PTPRG: variants seen among roughly 807,000 people sequenced by gnomAD.
The protein encoded by PTPRG is protein tyrosine phosphatase receptor type G.
A neutral mutation model predicts 165.3 loss-of-function variants in PTPRG; 102 were observed. The ratio of observed to expected loss-of-function variants is 0.62; its 90% CI spans 0.53 to 0.73. The LOEUF (loss-of-function observed/expected upper bound fraction) is 0.73. Ranked by LOEUF, PTPRG falls within the 30% of genes least tolerant of loss-of-function variation. The pLI is 0.00. For synonymous variants in PTPRG, 675 were observed against 669.5 expected, an observed-to-expected ratio of 1.01 and a Z score of -0.13; for missense variants, 1,866 against 1,861.4, an observed-to-expected ratio of 1.00 and a Z score of -0.05.
chr3:62,206,316 A>C (rs570388519), intron 12 of PTPRG, among the ~76,000 whole-genome samples: 7 of 152,292 alleles, frequency 4.6e-5, no homozygotes, highest in Admixed American at 3.3e-4. Flanking sequence ...TCCACCCTAC[A>C]GAAATCTGAG....
chr3:61,839,853 C>T (rs554476744), intron 2 of PTPRG, among the ~76,000 whole-genome samples: 1 of 152,296 alleles, frequency 6.6e-6, no homozygotes, highest in Non-Finnish European at 1.5e-5. Flanking sequence ...GCCTACACAG[C>T]ATTTTTTGTC....
At chr3:61,626,500 G>T (rs1414037824) in intron 1 of PTPRG, among the ~76,000 whole-genome samples, 1 of 152,160 alleles carries the variant, frequency 6.6e-6, no homozygotes, top group Non-Finnish European at 1.5e-5. Flanking sequence ...TTTCCACTTA[G>T]TATTACCGTT....
chr3:62,033,811 G>C (rs961389769), intron 4 of PTPRG, among the ~76,000 whole-genome samples: 4 of 151,762 alleles, frequency 2.6e-5, no homozygotes, highest in African/African-American at 9.7e-5. Context: ...TCTGTCCTCC[G>C]GGCTGGAGTG....
intron 2 of PTPRG, among the ~76,000 whole-genome samples, chr3:61,945,112 A>C (rs1239229430): frequency 6.6e-6 from 1 of 152,216 alleles, no homozygotes. Flanking sequence ...AGAGGTGATC[A>C]GTGACCATTG....
At chr3:61,702,786 A>G (rs1364714747) in intron 1 of PTPRG, among the ~76,000 whole-genome samples, 3 of 152,194 alleles carry the variant, frequency 2.0e-5, no homozygotes, top group South Asian at 2.1e-4. Flanking sequence ...TGCTCAACAT[A>G]ATGTCTATGA....
intron 5 of PTPRG, among the ~76,000 whole-genome samples, chr3:62,126,653 C>G (rs1302560074): frequency 6.6e-6 from 1 of 152,192 alleles, no homozygotes; most frequent in East Asian, 1.9e-4. Flanking sequence ...TTTTGCTTAT[C>G]TGTTAGATTA....
At chr3:61,699,249 T>A (rs900093689) in intron 1 of PTPRG, among the ~76,000 whole-genome samples, 1 of 152,010 alleles carries the variant, frequency 6.6e-6, no homozygotes, top group Non-Finnish European at 1.5e-5. Context: ...AAAAAAAAAA[T>A]TATTTTTCAA....
chr3:61,974,948 C>T (rs1434653628), intron 2 of PTPRG, among the ~76,000 whole-genome samples: 3 of 152,118 alleles, frequency 2.0e-5, no homozygotes, highest in Admixed American at 6.5e-5. Context: ...CAGTACCAAC[C>T]ATTTAAATAG....
At chr3:62,170,072 AG>A (rs1399732685) in intron 8 of PTPRG, among the ~76,000 whole-genome samples, 1 of 152,168 alleles carries the variant, frequency 6.6e-6, no homozygotes, top group Non-Finnish European at 1.5e-5. Flanking sequence ...GAAGTGAGTC[AG>A]GCACCAGGTT....
chr3:61,767,722 A>G (rs764502994), intron 2 of PTPRG, among the ~76,000 whole-genome samples: 4 of 152,172 alleles, frequency 2.6e-5, no homozygotes, highest in Non-Finnish European at 5.9e-5. Context: ...TAATCTCAGC[A>G]CTTTGGGAAG....
intron 5 of PTPRG, among the ~76,000 whole-genome samples, chr3:62,116,330 C>G (rs1702868995): frequency 1.3e-5 from 2 of 152,132 alleles, no homozygotes; most frequent in South Asian, 4.1e-4. Flanking sequence ...AAATGTTACA[C>G]CCTACTCTGA....
At chr3:61,846,678 G>A (rs2036815788) in intron 2 of PTPRG, among the ~76,000 whole-genome samples, 1 of 152,156 alleles carries the variant, frequency 6.6e-6, no homozygotes, top group Non-Finnish European at 1.5e-5. Context: ...CACTTGGGAG[G>A]TTGAAGTAGA....
chr3:61,677,587 G>A (rs536394701), intron 1 of PTPRG, among the ~76,000 whole-genome samples: 8 of 152,320 alleles, frequency 5.3e-5, no homozygotes, highest in African/African-American at 1.7e-4. Context: ...AAAAGCCATA[G>A]ATCTAGGCCT....
intron 2 of PTPRG, among the ~76,000 whole-genome samples, chr3:61,918,375 T>TAC (rs1052120333): frequency 3.3e-5 from 5 of 152,028 alleles, no homozygotes; most frequent in Admixed American, 6.6e-5. Flanking sequence ...TATATATATA[T>TAC]ACACACACAC....
intron 2 of PTPRG, among the ~76,000 whole-genome samples, chr3:61,967,406 C>T (rs1486495683): frequency 1.3e-5 from 2 of 152,084 alleles, no homozygotes; most frequent in Non-Finnish European, 2.9e-5. Context: ...TTCATCTCAC[C>T]TTTTTCAACT....
intron 2 of PTPRG, among the ~76,000 whole-genome samples, chr3:61,793,605 A>T (rs1213128656): frequency 6.6e-6 from 1 of 152,240 alleles, no homozygotes; most frequent in Non-Finnish European, 1.5e-5. Context: ...CTATCAAAAA[A>T]TAAGCAATAC....
chr3:62,230,442 CAG>C (rs1700875344), intron 13 of PTPRG, among the ~76,000 whole-genome samples: 7 of 152,164 alleles, frequency 4.6e-5, no homozygotes, highest in Admixed American at 4.6e-4. Flanking sequence ...ATTTTATCAA[CAG>C]AGTTTGGAAA....
rs750894718 is a variant in PTPRG, at chr3:61,562,382, GGCC to G, written c.85+15_85+17del. 1 of 1,612,800 alleles carries G rather than the reference GGCC, an allele frequency of 6.2e-7. No individual in the cohort carries two copies. The highest frequency in any genetic ancestry group is 2.2e-5 in the East Asian group (1 of 44,814). On this transcript the variant is annotated intron_variant, in intron 1 of 29. Coordinates refer to ENST00000474889, the MANE Select transcript of PTPRG (RefSeq NM_002841.4). ...GTCGTGTGCTTCCCCGGTGAGTGCC[GGCC>G]GCCGAGGGGATGCGGCCCCGGCCGG... is the stretch of plus-strand genomic sequence containing the variant.
intron 1 of PTPRG, among the ~76,000 whole-genome samples, chr3:61,673,976 A>T (rs1025555994): frequency 6.6e-6 from 1 of 151,834 alleles, no homozygotes; most frequent in Non-Finnish European, 1.5e-5. Flanking sequence ...GTGGGAGTTG[A>T]ACAAAGAGAA....
Sources: allele counts gnomAD v4.1 joint callset (sites outside exome capture counted in the v4.1 genomes callset), GRCh38; gene constraint gnomAD v4.1.1; transcripts MANE v1.5; gene names NCBI Gene and HGNC (gene_info 2026-07-23, HGNC 2026-07-21).